Variants in CLCN4 observed in about 807,000 individuals in gnomAD.
CLCN4 encodes Cl-/H+ antiporter 4, also known as H(+)/Cl(-) exchange transporter 4.
CLCN4 carries 1 observed loss-of-function variant against 41.7 expected under a neutral mutation model. The ratio of observed to expected loss-of-function variants is 0.02; its 90% CI spans 0.01 to 0.11. CLCN4 has a LOEUF of 0.11. Ranked by LOEUF, CLCN4 falls within the 10% of genes least tolerant of loss-of-function variation. The pLI is 1.00. For missense variants in CLCN4, 287 were observed against 661.0 expected (o/e 0.43, Z 6.20); for synonymous variants, 277 against 285.8 (o/e 0.97, Z 0.31).
At chrX:10,193,613 G>A (rs766998123) in intron 4 of CLCN4, among the ~76,000 whole-genome samples, 2 of 111,767 alleles carry the variant, frequency 1.8e-5, no homozygotes, top group South Asian at 7.5e-4. Context: ...TCTGGAACTG[G>A]GGTCAGCAAA....
intron 11 of CLCN4, among the ~76,000 whole-genome samples, chrX:10,218,109 C>G (rs1924774288): frequency 1.8e-5 from 2 of 111,393 alleles, no homozygotes; most frequent in Non-Finnish European, 3.8e-5. Flanking sequence ...ATATGACAAA[C>G]CTCCTACATT....
At chrX:10,181,795 C>T (rs748279555) in intron 2 of CLCN4, among the ~76,000 whole-genome samples, 6 of 111,837 alleles carry the variant, frequency 5.4e-5, no homozygotes, top group South Asian at 3.8e-4. Context: ...GTTCTGAGAG[C>T]GAGCTGACCC....
At chrX:10,206,901 TTTTTG>T in intron 8 of CLCN4, 125 bp downstream of exon 8, 2 of 471,368 alleles carry the variant, frequency 4.2e-6, no homozygotes, top group Admixed American at 5.4e-5. Context: ...CACTGTTTTT[TTTTTG>T]TTTTGTTTTT....
chrX:10,218,332 G>T (rs928323723), intron 11 of CLCN4, among the ~76,000 whole-genome samples: 1 of 111,726 alleles, frequency 9.0e-6, no homozygotes, highest in Non-Finnish European at 1.9e-5. Flanking sequence ...CTTTTAAAAA[G>T]ATGCATTTTC....
At chrX:10,232,089 C>T (rs771602120) in intron 12 of CLCN4, among the ~76,000 whole-genome samples, 1 of 112,025 alleles carries the variant, frequency 8.9e-6, no homozygotes, top group South Asian at 3.7e-4. Context: ...ATTTTCCTCT[C>T]TCCTAAAGAT....
chrX:10,222,183 T>A (rs956824936), intron 12 of CLCN4, among the ~76,000 whole-genome samples: 3 of 112,373 alleles, frequency 2.7e-5, no homozygotes, highest in Non-Finnish European at 5.6e-5. Context: ...AAACCAACAA[T>A]GCAAAGATCG....
chrX:10,209,427 C>T (rs1306865545), intron 9 of CLCN4, among the ~76,000 whole-genome samples: 1 of 105,701 alleles, frequency 9.5e-6, no homozygotes, highest in South Asian at 4.6e-4. Flanking sequence ...GTGGCATGAT[C>T]ACAGCTCACT....
At position 10,187,630 on chromosome X, in the gene CLCN4, T is replaced by C; in HGVS notation, c.244+16T>C. ...CTGCTGGCGGGTACGTGGATGGGCA[T>C]GCGGCACTCCCGTGGGAAGCTGCAG... On this transcript the variant is annotated intron_variant, in intron 4 of 12. Transcript: ENST00000380833. The C allele has an allele frequency of 1.7e-6, 2 of 1,164,204 alleles. No homozygotes were observed. Among genetic ancestry groups the C allele is most frequent in the South Asian group, 3.6e-5 (2 of 55,897 alleles).
rs962486915 is a variant in CLCN4 at position 10,212,561 on chromosome X, A to G, written c.1484A>G (p.His495Arg). 1 of 1,211,574 alleles carries G rather than the reference A, an allele frequency of 8.3e-7. No homozygotes were observed. Among genetic ancestry groups the G allele is most frequent in the Non-Finnish European group, 1.1e-6 (1 of 895,323 alleles). ...IGVEQLAYHH[H>R]DWIIFRNWCR... ...GTGGAGCAGCTGGCCTACCATCACCATGACTGGATCATCTTCAGGAACTGG... is the reference window on the plus strand; with the variant it reads ...GTGGAGCAGCTGGCCTACCATCACCGTGACTGGATCATCTTCAGGAACTGG... The change falls in exon 10 of 13, where the codon CAT becomes CGT. Residue 495 changes from histidine to arginine, a missense_variant. This residue lies in a region of CLCN4 where 94 missense variants were observed against 177.9 expected (regional missense o/e 0.53). Transcript: ENST00000380833.
At chrX:10,176,243 G>C (rs1171887074) in intron 2 of CLCN4, among the ~76,000 whole-genome samples, 1 of 112,380 alleles carries the variant, frequency 8.9e-6, no homozygotes, top group Non-Finnish European at 1.9e-5. Context: ...TGGCCTGGCA[G>C]GTAGCAGATG....
At chrX:10,185,664 G>T (rs974828413) in intron 3 of CLCN4, among the ~76,000 whole-genome samples, 3 of 111,663 alleles carry the variant, frequency 2.7e-5, no homozygotes, top group African/African-American at 9.8e-5. Context: ...CTAAGATTTT[G>T]CTAGGCAGAG....
chrX:10,165,980 G>A (rs1382960877), intron 2 of CLCN4, among the ~76,000 whole-genome samples: 1 of 112,069 alleles, frequency 8.9e-6, no homozygotes, highest in Non-Finnish European at 1.9e-5. Context: ...TGCCAGTCAC[G>A]AGTGGCTCCT....
chrX:10,174,983 C>T (rs1401196808), intron 2 of CLCN4, among the ~76,000 whole-genome samples: 1 of 112,366 alleles, frequency 8.9e-6, no homozygotes, highest in Non-Finnish European at 1.9e-5. Context: ...AACGGGATCA[C>T]ACAGAGTGTT....
chrX:10,237,579 G>A lies in CLCN4; in HGVS notation c.*3995G>A, dbSNP rs968728093. The A allele has an allele frequency of 2.7e-5, 3 of 111,480 alleles. No individual in the cohort carries two copies. Among genetic ancestry groups the A allele is most frequent in the African/African-American group, 9.8e-5 (3 of 30,581 alleles). The allele number at this position is 111,480 out of a possible 1,213,427, so 9.2% of individuals were successfully genotyped here. Reference sequence around the variant, plus strand: ...TTTTATTGTAACACTCTGTGTAAACGTTGACACCTTATTAAATATTAAATG... The same window carrying A: ...TTTTATTGTAACACTCTGTGTAAACATTGACACCTTATTAAATATTAAATG... On this transcript the variant is annotated 3_prime_UTR_variant, in exon 13 of 13. Coordinates refer to ENST00000380833, the MANE Select transcript of CLCN4 (RefSeq NM_001830.4).
chrX:10,215,355 A>G (rs181034920), intron 11 of CLCN4, among the ~76,000 whole-genome samples: 2 of 112,133 alleles, frequency 1.8e-5, no homozygotes, highest in Non-Finnish European at 3.8e-5. Flanking sequence ...GAGATAAGCT[A>G]TCCTCTCCCA....
chrX:10,229,461 T>G (rs1449028330), intron 12 of CLCN4, among the ~76,000 whole-genome samples: 1 of 109,587 alleles, frequency 9.1e-6, no homozygotes, highest in Non-Finnish European at 1.9e-5. Context: ...TTGTTACATA[T>G]GTATACATGT....
chrX:10,170,799 C>G (rs1460526784), intron 2 of CLCN4, among the ~76,000 whole-genome samples: 5 of 112,625 alleles, frequency 4.4e-5, no homozygotes, highest in African/African-American at 1.6e-4. Flanking sequence ...CACGTTGTCC[C>G]CTAATTGCCA....
chrX:10,227,373 A>G, intron 12 of CLCN4, among the ~76,000 whole-genome samples: 1 of 111,666 alleles, frequency 9.0e-6, no homozygotes, highest in East Asian at 2.8e-4. Flanking sequence ...AAAAACTCTC[A>G]ATAAACTAGG....
chrX:10,223,310 C>G (rs899295208), intron 12 of CLCN4, among the ~76,000 whole-genome samples: 1 of 111,939 alleles, frequency 8.9e-6, no homozygotes, highest in African/African-American at 3.3e-5. Flanking sequence ...AATTTCAGCT[C>G]AGGCAGGAAA....
Sources: gnomAD v4.1 joint callset for allele counts (sites outside exome capture counted in the v4.1 genomes callset) on GRCh38, gnomAD v4.1.1 for gene constraint, gnomAD v4.1.1 regional missense constraint, MANE v1.5 for transcripts, NCBI Gene and HGNC (gene_info 2026-07-23, HGNC 2026-07-21) for gene names.